Variants in SAMTOR observed in about 807,000 individuals in gnomAD.
SAMTOR encodes S-adenosylmethionine sensor upstream of mTORC1.
At chr7:112,921,890 T>C in the SAMTOR span, among the ~76,000 whole-genome samples, 2 of 151,418 alleles carry the variant, frequency 1.3e-5, no homozygotes, top group Non-Finnish European at 2.9e-5. Context: ...CACAATGAGA[T>C]ACCATCTCAC....
At chr7:112,865,655 A>G in the SAMTOR span, among the ~76,000 whole-genome samples, 6 of 131,374 alleles carry the variant, frequency 4.6e-5, 1 homozygote, top group South Asian at 9.5e-4. Context: ...ATATTCATAT[A>G]TATATTTCAT....
At chr7:112,850,134 G>T in the SAMTOR span, among the ~76,000 whole-genome samples, 2 of 152,140 alleles carry the variant, frequency 1.3e-5, no homozygotes. Context: ...CCGGGAGGCG[G>T]AGGTTGTGGT....
the SAMTOR span, among the ~76,000 whole-genome samples, chr7:112,914,131 C>A: frequency 6.6e-6 from 1 of 151,926 alleles, no homozygotes; most frequent in African/African-American, 2.4e-5. Context: ...ATGAAATATG[C>A]ATTATTACAG....
chr7:112,891,216 A>G, the SAMTOR span, among the ~76,000 whole-genome samples: 2 of 152,242 alleles, frequency 1.3e-5, no homozygotes, highest in African/African-American at 2.4e-5. Flanking sequence ...AAGAATGTCC[A>G]TAACACATGA....
the SAMTOR span, among the ~76,000 whole-genome samples, chr7:112,886,205 A>G: frequency 6.6e-6 from 1 of 152,198 alleles, no homozygotes; most frequent in African/African-American, 2.4e-5. Context: ...TATGGGAACT[A>G]CAATATAAGA....
the SAMTOR span, among the ~76,000 whole-genome samples, chr7:112,841,621 A>G: frequency 2.6e-5 from 4 of 152,078 alleles, no homozygotes; most frequent in East Asian, 7.7e-4. Flanking sequence ...TATAGCCAAG[A>G]CAATCCTAAA....
the SAMTOR span, among the ~76,000 whole-genome samples, chr7:112,933,769 C>G: frequency 1.3e-5 from 2 of 152,124 alleles, no homozygotes; most frequent in African/African-American, 4.8e-5. Context: ...TCCTGGGCCC[C>G]AAATCTCAGA....
At chr7:112,918,352 TCA>T in the SAMTOR span, among the ~76,000 whole-genome samples, 1 of 152,140 alleles carries the variant, frequency 6.6e-6, no homozygotes, top group Non-Finnish European at 1.5e-5. Context: ...AAACTAAGCT[TCA>T]TAAGTGAAGG....
chr7:112,904,784 T>C, the SAMTOR span, among the ~76,000 whole-genome samples: 8 of 152,086 alleles, frequency 5.3e-5, no homozygotes, highest in East Asian at 1.2e-3. Flanking sequence ...AAAGATGAAA[T>C]AGTTATCAGA....
chr7:112,909,166 C>G, the SAMTOR span, among the ~76,000 whole-genome samples: 1 of 152,164 alleles, frequency 6.6e-6, no homozygotes, highest in Non-Finnish European at 1.5e-5. Flanking sequence ...TTTAACCCCC[C>G]AGCCTATCAC....
chr7:112,896,269 C>T, the SAMTOR span, among the ~76,000 whole-genome samples: 2 of 152,012 alleles, frequency 1.3e-5, no homozygotes, highest in African/African-American at 2.4e-5. Flanking sequence ...GGAGAGCGAG[C>T]GAGCTCATTT....
the SAMTOR span, among the ~76,000 whole-genome samples, chr7:112,855,247 T>C: frequency 1.3e-5 from 2 of 152,230 alleles, no homozygotes; most frequent in Admixed American, 1.3e-4. Flanking sequence ...AAGATTAATA[T>C]ACAATGGAAA....
At chr7:112,873,852 T>A in the SAMTOR span, among the ~76,000 whole-genome samples, 1 of 151,872 alleles carries the variant, frequency 6.6e-6, no homozygotes, top group East Asian at 1.9e-4. Context: ...GAAACTTATA[T>A]CAACAAGCAA....
chr7:112,916,511 C>A, the SAMTOR span, among the ~76,000 whole-genome samples: 1 of 152,170 alleles, frequency 6.6e-6, no homozygotes, highest in East Asian at 1.9e-4. Flanking sequence ...CCCAGCGTGA[C>A]TGAAGCAGAA....
the SAMTOR span, among the ~76,000 whole-genome samples, chr7:112,909,181 G>T: frequency 6.6e-6 from 1 of 152,138 alleles, no homozygotes; most frequent in East Asian, 1.9e-4. Flanking sequence ...TATCACTAGT[G>T]GAGAAGTTGA....
chr7:112,860,753 T>A, the SAMTOR span, among the ~76,000 whole-genome samples: 1 of 151,086 alleles, frequency 6.6e-6, no homozygotes, highest in Non-Finnish European at 1.5e-5. Context: ...ACTAAAAAAA[T>A]ACAAAAAAAT....
At chr7:112,854,409 C>T in the SAMTOR span, among the ~76,000 whole-genome samples, 3 of 152,100 alleles carry the variant, frequency 2.0e-5, no homozygotes, top group African/African-American at 7.2e-5. Context: ...ATGGGCTAAA[C>T]AACCTGCACA....
chr7:112,936,416 T>C, the SAMTOR span, among the ~76,000 whole-genome samples: 2 of 152,112 alleles, frequency 1.3e-5, no homozygotes, highest in African/African-American at 4.8e-5. Context: ...AGGCAGGCCA[T>C]AAACTGGGGA....
At chr7:112,881,447 G>A in the SAMTOR span, among the ~76,000 whole-genome samples, 3 of 152,084 alleles carry the variant, frequency 2.0e-5, no homozygotes, top group African/African-American at 7.2e-5. Context: ...GCCTGCCAAT[G>A]GCCCAGTCAG....
Sources: allele counts gnomAD v4.1 joint callset (sites outside exome capture counted in the v4.1 genomes callset), GRCh38; gene constraint gnomAD v4.1.1; transcripts MANE v1.5; gene names NCBI Gene and HGNC (gene_info 2026-07-23, HGNC 2026-07-21).